The following MS4A10 variants were observed in gnomAD, a reference collection of about 807,000 sequenced individuals.
MS4A10 encodes the protein membrane spanning 4-domains A10, also known as membrane-spanning 4-domains subfamily A member 10.
MS4A10 carries 27 observed loss-of-function variants against 27.7 expected under a neutral mutation model. The ratio of observed to expected loss-of-function variants is 0.98; its 90% confidence interval spans 0.72 to 1.35. The LOEUF (loss-of-function observed/expected upper bound fraction) is 1.35. Among genes scored for constraint, MS4A10 ranks in the 40% most tolerant of loss-of-function variants. MS4A10 has a pLI of 0.00. For missense variants in MS4A10, 338 were observed against 324.7 expected (o/e 1.04, Z -0.32); for synonymous variants, 139 against 131.2 (o/e 1.06, Z -0.41).
At chr11:60,799,039 G>A (rs1854584097) in intron 7 of MS4A10, among the ~76,000 whole-genome samples, 1 of 152,208 alleles carries the variant, frequency 6.6e-6, no homozygotes, top group Non-Finnish European at 1.5e-5. Context: ...GGCAGCTGGG[G>A]AGTTGAGTCC....
At position 60,794,014 on chromosome 11, in the gene MS4A10, G is replaced by A. The variant is rs760724329; in HGVS notation, c.403G>A (p.Val135Met). 19 of 1,614,012 alleles carry A rather than the reference G, an allele frequency of 1.2e-5. No homozygotes were observed. The highest frequency in any genetic ancestry group is 8.9e-5 in the East Asian group (4 of 44,888). ...LMTNLISLFC[V>M]LSGLFVISKD... ...GACAAACCTCATCAGCCTCTTTTGC[G>A]TGCTGTCTGGCCTCTTCGTCATCTC... The change falls in exon 5 of 8, where the codon GTG becomes ATG. Residue 135 changes from valine (V) to methionine (M), a missense_variant. Coordinates refer to ENST00000308287, the MANE Select transcript of MS4A10 (RefSeq NM_206893.4).
chr11:60,792,196 G>A (rs890261648), intron 3 of MS4A10, 69 bp from the exon 4 acceptor site: 3 of 1,198,392 alleles, frequency 2.5e-6, no homozygotes, highest in Non-Finnish European at 3.7e-6. Context: ...GAATAGGGGT[G>A]GGGGTGGGAA....
chr11:60,791,462 G>T (rs1425460369), intron 3 of MS4A10, among the ~76,000 whole-genome samples: 1 of 152,198 alleles, frequency 6.6e-6, no homozygotes, highest in African/African-American at 2.4e-5. Context: ...GCCCTGTTGG[G>T]GTTGAGCTAC....
At chr11:60,791,125 G>T in intron 3 of MS4A10, 32 bp downstream of exon 3, 1 of 1,611,786 alleles carries the variant, frequency 6.2e-7, no homozygotes, top group African/African-American at 1.3e-5. Flanking sequence ...GACCGGGTGT[G>T]GGAGTCTGCA....
chr11:60,791,063 G>A lies in MS4A10; in HGVS notation c.273G>A (p.Lys91=), dbSNP rs1390115917. ...IVKNLHLVVL[K]SWYPFWGAAS... ...AGAACCTTCACCTGGTGGTGCTGAA[G>A]TCTTGGTATCCATTCTGGGGGGCTG... Residue 91 remains lysine (K), a synonymous_variant, in exon 3 of 8, where the codon AAG becomes AAA. Transcript: ENST00000308287. 2 of 1,614,168 alleles carry A rather than the reference G, an allele frequency of 1.2e-6. No homozygotes were observed. Among genetic ancestry groups the A allele is most frequent in the East Asian group, 4.5e-5 (2 of 44,886 alleles).
intron 5 of MS4A10, among the ~76,000 whole-genome samples, chr11:60,794,908 C>A (rs1048241406): frequency 1.3e-5 from 2 of 152,190 alleles, no homozygotes; most frequent in Non-Finnish European, 2.9e-5. Flanking sequence ...AGGTCTCGAA[C>A]TCCTGACCTC....
At chr11:60,793,112 G>A (rs765122004) in intron 4 of MS4A10, among the ~76,000 whole-genome samples, 9 of 152,144 alleles carry the variant, frequency 5.9e-5, no homozygotes, top group Non-Finnish European at 1.0e-4. Context: ...TTCTGCCCCC[G>A]AAGCCCAAGC....
chr11:60,790,374 T>C lies in MS4A10; in HGVS notation c.39T>C (p.Ala13=), dbSNP rs1189957176. 1.2e-6 allele frequency: 2 copies of C among 1,613,974 alleles called. No individual in the cohort carries two copies. Among genetic ancestry groups the C allele is most frequent in the African/African-American group, 2.7e-5 (2 of 74,922 alleles). ...CCACAGTTATTCCCAGCCGTTGTGC[T>C]AGGGGGCTCCCATCATGGCAAGTCC... ...AEATVIPSRC[A]RGLPSWQVLS... Residue 13 remains alanine (A), a synonymous_variant, in exon 2 of 8, where the codon GCT becomes GCC. Coordinates refer to ENST00000308287, the MANE Select transcript of MS4A10 (RefSeq NM_206893.4).
At chr11:60,799,218 T>A (rs1186298891) in intron 7 of MS4A10, among the ~76,000 whole-genome samples, 1 of 152,190 alleles carries the variant, frequency 6.6e-6, no homozygotes, top group East Asian at 1.9e-4. Context: ...AGGTTCACAG[T>A]TGTGACATCG....
At chr11:60,795,486 TA>T in intron 5 of MS4A10, 68 bp from the exon 6 acceptor site, 1 of 1,051,492 alleles carries the variant, frequency 9.5e-7, no homozygotes, top group Non-Finnish European at 1.3e-6. Context: ...CCTGCCTGGC[TA>T]AGCCCACGTG....
chr11:60,798,451 T>C lies in MS4A10; in HGVS notation c.659T>C (p.Val220Ala), dbSNP rs139578350. Residue 220 changes from valine to alanine, a missense_variant, in exon 7 of 8, where the codon GTG (valine) becomes GCG (alanine). Physicochemically the swap from Val to Ala is moderately conservative, Grantham distance 64. Coordinates refer to ENST00000308287, the MANE Select transcript of MS4A10 (RefSeq NM_206893.4). ...NTPLHLKGLP[V>A]EPPPSYQSVI... ...CCATTGCATCTCAAAGGCCTGCCGG[T>C]GGAGCCCCCGCCATCCTACCAGAGT... 5.9e-3 allele frequency: 9,543 copies of C among 1,614,134 alleles called. 35 individuals carry two copies. Among genetic ancestry groups the C allele is most frequent in the Middle Eastern group, 0.014 (86 of 6,056 alleles).
At chr11:60,799,379 G>T (rs1327419891) in intron 7 of MS4A10, among the ~76,000 whole-genome samples, 3 of 152,178 alleles carry the variant, frequency 2.0e-5, no homozygotes, top group Non-Finnish European at 4.4e-5. Context: ...GAGCTGCAAT[G>T]TATTCTGGTT....
chr11:60,800,399 C>T lies in MS4A10; in HGVS notation c.*490C>T, dbSNP rs1282981893. 2 of 156,680 alleles carry T rather than the reference C, an allele frequency of 1.3e-5. No individual in the cohort carries two copies. The highest frequency in any genetic ancestry group is 4.8e-5 in the African/African-American group (2 of 41,516). 9.7% of individuals were successfully genotyped at this position (156,680 alleles called of 1,614,324 possible). On this transcript the variant is annotated 3_prime_UTR_variant, in exon 8 of 8. Transcript: ENST00000308287. The stretch of plus-strand genomic sequence containing the variant: ...CTCCTGACCTCAGGTGATCCACCTG[C>T]CTCAGCCTCCCAAAGTGCTGGGATT...
intron 5 of MS4A10, 108 bp from the exon 6 acceptor site, chr11:60,795,447 G>A: frequency 1.7e-6 from 1 of 585,726 alleles, no homozygotes; most frequent in Non-Finnish European, 2.7e-6. Context: ...AACCCCACCT[G>A]CCCTCTGCTG....
intron 7 of MS4A10, among the ~76,000 whole-genome samples, chr11:60,799,359 G>T (rs1208022483): frequency 6.6e-6 from 1 of 152,078 alleles, no homozygotes; most frequent in African/African-American, 2.4e-5. Flanking sequence ...CAGGACTTTT[G>T]CTTATTTGTG....
At chr11:60,790,902 A>G (rs11602321) in intron 2 of MS4A10, 72 bp from the exon 3 acceptor site, 582,006 of 1,589,082 alleles carry the variant, frequency 0.37, 112,486 homozygotes, top group Non-Finnish European at 0.4. Context: ...CAGTAGGTCC[A>G]GGGCACTAGT....
Position 60,794,003 on chromosome 11 carries a change from G to A in MS4A10, c.392G>A (p.Ser131Asn). ...TTGTGCCTGATGACAAACCTCATCA[G>A]CCTCTTTTGCGTGCTGTCTGGCCTC... Reference protein sequence around the residue: ...KMLCLMTNLISLFCVLSGLFV... With the variant: ...KMLCLMTNLINLFCVLSGLFV... The change falls in exon 5 of 8, where the codon AGC (serine) becomes AAC (asparagine). Residue 131 changes from serine to asparagine, a missense_variant. Transcript: ENST00000308287. 6.2e-7 allele frequency: 1 copy of A among 1,614,170 alleles called. No homozygotes were observed. Among genetic ancestry groups the A allele is most frequent in the Non-Finnish European group, 8.5e-7 (1 of 1,180,028 alleles).
At chr11:60,799,159 A>G (rs1371657739) in intron 7 of MS4A10, among the ~76,000 whole-genome samples, 1 of 152,206 alleles carries the variant, frequency 6.6e-6, no homozygotes, top group Non-Finnish European at 1.5e-5. Context: ...CAAGGATGAC[A>G]TGATCCAGGA....
At position 60,800,002 on chromosome 11, in the gene MS4A10, T is replaced by A; in HGVS notation, c.*93T>A. 1 of 1,598,212 alleles carries A rather than the reference T, an allele frequency of 6.3e-7. No individual in the cohort carries two copies. Among genetic ancestry groups the A allele is most frequent in the Non-Finnish European group, 8.5e-7 (1 of 1,170,668 alleles). On this transcript the variant is annotated 3_prime_UTR_variant, in exon 8 of 8. Transcript: ENST00000308287. ...TCACTGGGAAGATGAGATTTGCACA[T>A]ACAAAAGGCTAGAGCGATGGTCTAT...
Sources: allele counts gnomAD v4.1 joint callset (sites outside exome capture counted in the v4.1 genomes callset), GRCh38; gene constraint gnomAD v4.1.1; transcripts MANE v1.5; gene names NCBI Gene and HGNC (gene_info 2026-07-23, HGNC 2026-07-21).